The following HNRNPR variants were observed in gnomAD, a reference collection of about 807,000 sequenced individuals.
HNRNPR encodes the protein heterogeneous nuclear ribonucleoprotein R.
Under a neutral mutation model 70.3 loss-of-function variants are expected in HNRNPR, and 4 were observed. That is an observed-to-expected ratio of 0.06 (90% CI 0.03 to 0.13). HNRNPR has a LOEUF of 0.13. Among genes scored for constraint, HNRNPR ranks in the 10% least tolerant of loss-of-function variants. The probability of loss-of-function intolerance (pLI) is 1.00; values close to 1 mark genes in which losing one functional copy is unlikely to be tolerated. For synonymous variants in HNRNPR, 241 were observed against 267.6 expected (o/e 0.90, Z 0.97); for missense variants, 423 against 788.5 (o/e 0.54, Z 5.55).
intron 7 of HNRNPR, among the ~76,000 whole-genome samples, chr1:23,320,217 G>A (rs1377659239): frequency 6.6e-6 from 1 of 152,186 alleles, no homozygotes; most frequent in African/African-American, 2.4e-5. Context: ...GCCAGAAGGA[G>A]CTATAGATAA....
chr1:23,332,643 T>G (rs1398669781), intron 5 of HNRNPR, among the ~76,000 whole-genome samples: 1 of 143,262 alleles, frequency 7.0e-6, no homozygotes, highest in Non-Finnish European at 1.5e-5. Flanking sequence ...GAGGTTGCAG[T>G]GAGCCGAGAT....
chr1:23,320,124 T>C (rs1017536503), intron 7 of HNRNPR, among the ~76,000 whole-genome samples: 2 of 152,214 alleles, frequency 1.3e-5, no homozygotes, highest in African/African-American at 2.4e-5. Context: ...GCCATCAGTG[T>C]ATCCCAGGCA....
Position 23,313,627 on chromosome 1 carries a change from C to G in HNRNPR, c.1093G>C (p.Gly365Arg). Residue 365 changes from glycine to arginine, a missense_variant, in exon 9 of 11, where the codon GGA (glycine) becomes CGA (arginine). Physicochemically the swap from Gly to Arg is moderately radical, Grantham distance 125 (BLOSUM62 -2). Around this residue, in one of 7 missense-constraint regions of HNRNPR, gnomAD observed 46 missense variants for 164.6 expected, o/e 0.28. Coordinates refer to ENST00000302271, the MANE Select transcript of HNRNPR (RefSeq NM_005826.5). ...AACTTCTTTACTCTTTCGAGTTTTC[C>G]AAATTCAGAAAATGACTTTTCCAAT... ...EILEKSFSEF[G>R]KLERVKKLKD... is the part of the protein sequence containing the mutation. 6.2e-7 allele frequency: 1 copy of G among 1,603,498 alleles called. No individual in the cohort carries two copies. The highest frequency in any genetic ancestry group is 8.5e-7 in the Non-Finnish European group (1 of 1,177,126).
chr1:23,307,795 C>T lies in HNRNPR; in HGVS notation c.*2659G>A, dbSNP rs1645225331. The T allele has an allele frequency of 2.0e-5, 3 of 151,924 alleles. No homozygotes were observed. The highest frequency in any genetic ancestry group is 4.4e-5 in the Non-Finnish European group (3 of 67,912). 9.4% of individuals were successfully genotyped at this position (151,924 alleles called of 1,614,324 possible). ...ATACCTCAATATATTTCCCAACACA[C>T]ACTTTACTGTAACAGGCTCATAAAT... On this transcript the variant is annotated 3_prime_UTR_variant, in exon 11 of 11. Transcript: ENST00000302271.
chr1:23,318,839 AT>A lies in HNRNPR; in HGVS notation c.812-152del. 1 of 673,982 alleles carries A rather than the reference AT, an allele frequency of 1.5e-6. No homozygotes were observed. 41.8% of individuals were successfully genotyped at this position (673,982 alleles called of 1,614,324 possible). ...TTTTGTAGACAATTAGATCAACATA[AT>A]TAGATATGGGGTTTGGGACAGTATT... On this transcript the variant is annotated intron_variant, in intron 7 of 10. Coordinates refer to ENST00000302271, the MANE Select transcript of HNRNPR (RefSeq NM_005826.5). The surrounding 1 kb of genome is among the most constrained non-coding windows in gnomAD (Gnocchi z 4.2).
intron 1 of HNRNPR, among the ~76,000 whole-genome samples, chr1:23,342,986 A>AG (rs1382697809): frequency 6.6e-6 from 1 of 152,230 alleles, no homozygotes; most frequent in African/African-American, 2.4e-5. Flanking sequence ...ATTAGATTCC[A>AG]GAAAATAAAA....
chr1:23,337,173 T>C (rs756882179), intron 4 of HNRNPR, among the ~76,000 whole-genome samples: 1 of 152,096 alleles, frequency 6.6e-6, no homozygotes, highest in Non-Finnish European at 1.5e-5. Flanking sequence ...CCAAGAGACA[T>C]TACTGGATCA....
chr1:23,325,919 G>GA, intron 5 of HNRNPR, among the ~76,000 whole-genome samples: 1 of 152,120 alleles, frequency 6.6e-6, no homozygotes, highest in Non-Finnish European at 1.5e-5. Context: ...GCAGCGCAGT[G>GA]GCATGATCAT....
chr1:23,311,170 C>G (rs1201393120), intron 10 of HNRNPR, 31 bp downstream of exon 10: 3 of 1,612,182 alleles, frequency 1.9e-6, no homozygotes, highest in Non-Finnish European at 2.5e-6. Context: ...ATTCCTTGTC[C>G]AAAGATATAT....
chr1:23,310,341 T>C lies in HNRNPR; in HGVS notation c.*113A>G. 3 of 986,920 alleles carry C rather than the reference T, an allele frequency of 3.0e-6. No individual in the cohort carries two copies. Among genetic ancestry groups the C allele is most frequent in the Non-Finnish European group, 4.5e-6 (3 of 668,754 alleles). 61.1% of individuals were successfully genotyped at this position (986,920 alleles called of 1,614,324 possible). A position where few individuals can be genotyped will look rare whatever the true frequency, so the allele number is the denominator to read the frequency against. On this transcript the variant is annotated 3_prime_UTR_variant, in exon 11 of 11. Coordinates refer to ENST00000302271, the MANE Select transcript of HNRNPR (RefSeq NM_005826.5). The surrounding 1 kb of genome is among the most constrained non-coding windows in gnomAD (Gnocchi z 6.0). Reference sequence around the variant, plus strand: ...AGTGATTTCTTCAGCCCAATACAAATGGCAGCAAAATGCTACTTAAAGATG... The same window carrying C: ...AGTGATTTCTTCAGCCCAATACAAACGGCAGCAAAATGCTACTTAAAGATG...
At chr1:23,337,722 A>G (rs1646556014) in intron 4 of HNRNPR, 32 bp downstream of exon 4, 2 of 1,306,506 alleles carry the variant, frequency 1.5e-6, no homozygotes, top group South Asian at 1.2e-5. Flanking sequence ...ATTAAATGCA[A>G]TTTCATTACA....
At chr1:23,317,905 G>A (rs1411424814) in intron 8 of HNRNPR, among the ~76,000 whole-genome samples, 4 of 151,706 alleles carry the variant, frequency 2.6e-5, no homozygotes, top group African/African-American at 9.7e-5. Context: ...GCTTGAACCT[G>A]GGAGGTGGAG....
At chr1:23,337,957 A>C (rs551425893) in intron 3 of HNRNPR, 96 bp from the exon 4 acceptor site, 2 of 784,300 alleles carry the variant, frequency 2.6e-6, no homozygotes, top group East Asian at 2.5e-5. Context: ...CCAGGATTTT[A>C]ACAAAAGATT....
At position 23,338,470 on chromosome 1, in the gene HNRNPR, T is replaced by C. The variant is rs746343229; in HGVS notation, c.276+20A>G. The C allele has an allele frequency of 5.2e-6, 5 of 959,316 alleles. No individual in the cohort carries two copies. Among genetic ancestry groups the C allele is most frequent in the Non-Finnish European group, 7.7e-6 (5 of 647,540 alleles). The allele number at this position is 959,316 out of a possible 1,614,324, so 59.4% of individuals were successfully genotyped here. On this transcript the variant is annotated intron_variant, in intron 3 of 10. Coordinates refer to ENST00000302271, the MANE Select transcript of HNRNPR (RefSeq NM_005826.5). ...TCAGATTACTAATTGTTCAAAGACA[T>C]TTCTGAGTAACGACCTTACCTGAAC...
At chr1:23,321,809 G>A in intron 6 of HNRNPR, 146 bp from the exon 7 acceptor site, 1 of 701,422 alleles carries the variant, frequency 1.4e-6, no homozygotes, top group South Asian at 3.3e-5. Flanking sequence ...TAATATGAAT[G>A]TATATTTTAA....
chr1:23,325,681 T>C (rs1645944376), intron 5 of HNRNPR, among the ~76,000 whole-genome samples: 1 of 152,152 alleles, frequency 6.6e-6, no homozygotes, highest in Non-Finnish European at 1.5e-5. Flanking sequence ...AATAAGCCCA[T>C]TTCTTCTTAC....
chr1:23,307,014 T>G lies in HNRNPR; in HGVS notation c.*3440A>C, dbSNP rs955392042. On this transcript the variant is annotated 3_prime_UTR_variant, in exon 11 of 11. Transcript: ENST00000302271. Reference sequence around the variant, plus strand: ...TTTTCTTAGTTGCTCACTTAAGAGATTCCACATAATAATTGTCCACATAAT... The same window carrying G: ...TTTTCTTAGTTGCTCACTTAAGAGAGTCCACATAATAATTGTCCACATAAT... 1 of 152,176 alleles carries G rather than the reference T, an allele frequency of 6.6e-6. No homozygotes were observed. The highest frequency in any genetic ancestry group is 6.5e-5 in the Admixed American group (1 of 15,278). 9.4% of individuals were successfully genotyped at this position (152,176 alleles called of 1,614,324 possible).
At chr1:23,332,819 T>C (rs1346634252) in intron 5 of HNRNPR, among the ~76,000 whole-genome samples, 1 of 151,946 alleles carries the variant, frequency 6.6e-6, no homozygotes, top group Non-Finnish European at 1.5e-5. Flanking sequence ...GGCCAGCAGT[T>C]CAAGACCAGC....
At chr1:23,316,881 C>T (rs1447054678) in intron 8 of HNRNPR, among the ~76,000 whole-genome samples, 1 of 152,168 alleles carries the variant, frequency 6.6e-6, no homozygotes, top group Non-Finnish European at 1.5e-5. Flanking sequence ...ATAAAAGATA[C>T]TGAGTAGCAC....
Sources: allele counts gnomAD v4.1 joint callset (sites outside exome capture counted in the v4.1 genomes callset), GRCh38; gene constraint gnomAD v4.1.1; regional missense constraint gnomAD v4.1.1; non-coding constraint Gnocchi (gnomAD v3.1); transcripts MANE v1.5; gene names NCBI Gene and HGNC (gene_info 2026-07-23, HGNC 2026-07-21).